The following TP63 variants were observed in gnomAD, a reference collection of about 807,000 sequenced individuals.
The protein encoded by TP63 is tumor protein 63.
A neutral mutation model predicts 82.8 loss-of-function variants in TP63; 17 were observed. The observed-to-expected ratio is 0.21, with a 90% CI of 0.14 to 0.31. The LOEUF (loss-of-function observed/expected upper bound fraction) is 0.31, where lower values mean the gene tolerates loss of function less well. Ranked by LOEUF, TP63 falls within the 10% of genes least tolerant of loss-of-function variation. The probability of loss-of-function intolerance (pLI) is 1.00; values close to 1 mark genes in which losing one functional copy is unlikely to be tolerated. For missense variants in TP63, 648 were observed against 895.3 expected (o/e 0.72, Z 3.52); for synonymous variants, 330 against 321.7 (o/e 1.03, Z -0.28).
At chr3:189,863,874 A>C (rs1717359377) in intron 4 of TP63, among the ~76,000 whole-genome samples, 1 of 151,974 alleles carries the variant, frequency 6.6e-6, no homozygotes, top group African/African-American at 2.4e-5. Flanking sequence ...ACATGCCAAT[A>C]CTCTTCTTTC....
chr3:189,597,823 C>T, the TP63 span, among the ~76,000 whole-genome samples: 2 of 151,638 alleles, frequency 1.3e-5, no homozygotes, highest in African/African-American at 4.8e-5. Context: ...AGCTACTCTG[C>T]AGGCTGAGTT....
chr3:189,807,197 A>G (rs1326132545), intron 3 of TP63, among the ~76,000 whole-genome samples: 2 of 152,242 alleles, frequency 1.3e-5, no homozygotes, highest in South Asian at 2.1e-4. Flanking sequence ...GCTCAGGTTT[A>G]GAAATGATGA....
At chr3:189,782,707 T>C (rs1724318017) in intron 3 of TP63, among the ~76,000 whole-genome samples, 1 of 152,284 alleles carries the variant, frequency 6.6e-6, no homozygotes, top group South Asian at 2.1e-4. Context: ...AACACATCAC[T>C]ATTCAAACAC....
At chr3:189,627,560 T>A (rs1029184334), upstream of TP63, among the ~76,000 whole-genome samples, 4 of 152,170 alleles carry the variant, frequency 2.6e-5, no homozygotes, top group Admixed American at 6.6e-5. Context: ...AGAATAAAAA[T>A]TTAGCTCTTC....
chr3:189,734,323 C>T lies in TP63; in HGVS notation c.63-3417C>T, dbSNP rs918544475. Among the ~76,000 whole-genome samples, 8 of 151,936 alleles carry T rather than the reference C, an allele frequency of 5.3e-5. No individual in the cohort carries two copies. The East Asian group carries it at 5.8e-4, about 11-fold the overall frequency. The stretch of plus-strand genomic sequence containing the variant: ...AATAGCTGGGATTACAGGCACCGGC[C>T]GCCAAGCCCAGCTAATTTTTGTATT... On this transcript the variant is annotated intron_variant, in intron 1 of 13. Transcript: ENST00000264731.
the TP63 span, among the ~76,000 whole-genome samples, chr3:189,617,588 G>C: frequency 3.3e-5 from 5 of 152,142 alleles, no homozygotes; most frequent in South Asian, 8.3e-4. Flanking sequence ...TCAATAAAGA[G>C]AGATATAATA....
chr3:189,662,920 C>T (rs545048547), intron 1 of TP63, among the ~76,000 whole-genome samples: 1 of 152,050 alleles, frequency 6.6e-6, no homozygotes, highest in East Asian at 1.9e-4. Flanking sequence ...TTAAGAGAGT[C>T]TTTCTGGGAC....
chr3:189,846,961 A>G (rs971146316), intron 4 of TP63, among the ~76,000 whole-genome samples: 5 of 151,942 alleles, frequency 3.3e-5, no homozygotes, highest in African/African-American at 4.8e-5. Flanking sequence ...GATTACAGGC[A>G]TGAGCCACCA....
In TP63 at chr3:189,894,856, A is replaced by ATATATAAAT; in HGVS notation, c.*354_*355insTATATAAAT. The ATATATAAAT allele has an allele frequency of 4.1e-6, 1 of 241,998 alleles. No individual in the cohort carries two copies. The highest frequency in any genetic ancestry group is 6.2e-5 in the East Asian group (1 of 16,078). The allele number at this position is 241,998 out of a possible 1,614,324, so 15.0% of individuals were successfully genotyped here. A position where few individuals can be genotyped will look rare whatever the true frequency, so the allele number is the denominator to read the frequency against. Reference sequence around the variant, plus strand: ...TATATATATAAATGTATAAATATACAGTATAGATTTTTGGGTGGGGGGCAT... The same window carrying ATATATAAAT: ...TATATATATAAATGTATAAATATACATATATAAATGTATAGATTTTTGGGTGGGGGGCAT... On this transcript the variant is annotated 3_prime_UTR_variant, in exon 14 of 14. Transcript: ENST00000264731.
chr3:189,845,563 A>G (rs1003339995), intron 4 of TP63, among the ~76,000 whole-genome samples: 1 of 152,012 alleles, frequency 6.6e-6, no homozygotes, highest in African/African-American at 2.4e-5. Flanking sequence ...ACTAAATTCA[A>G]ATTCATTCAG....
intron 1 of TP63, among the ~76,000 whole-genome samples, chr3:189,684,716 C>T (rs1172997451): frequency 2.0e-5 from 3 of 151,118 alleles, no homozygotes; most frequent in African/African-American, 7.3e-5. Flanking sequence ...CTGCAACCTC[C>T]GCCTCCCGAG....
At chr3:189,719,456 T>C (rs559358798) in intron 1 of TP63, among the ~76,000 whole-genome samples, 1 of 152,318 alleles carries the variant, frequency 6.6e-6, no homozygotes, top group South Asian at 2.1e-4. Context: ...CAGATTTCTT[T>C]TGTAAAGTTC....
At position 189,878,516 on chromosome 3, in the gene TP63, G is replaced by A. The variant is rs151049723; in HGVS notation, c.1349+5521G>A. On this transcript the variant is annotated intron_variant, in intron 10 of 13. Coordinates refer to ENST00000264731, the MANE Select transcript of TP63 (RefSeq NM_003722.5). ...CAACTCTCCTGCCTCAGCCTCCTGC[G>A]TAGCTGGGATTACAGATGCCTGCCA... Among the ~76,000 whole-genome samples, 733 of 148,922 alleles carry A rather than the reference G, an allele frequency of 4.9e-3. 5 individuals are homozygous for A. The highest frequency in any genetic ancestry group is 0.016 in the African/African-American group (653 of 40,630).
intron 4 of TP63, among the ~76,000 whole-genome samples, chr3:189,861,584 C>T (rs1393207089): frequency 2.0e-5 from 3 of 152,172 alleles, no homozygotes; most frequent in South Asian, 4.1e-4. Context: ...TTCCACCTAG[C>T]CCAAAGTTTT....
chr3:189,740,127 C>T (rs2108505486), intron 3 of TP63, among the ~76,000 whole-genome samples: 1 of 152,282 alleles, frequency 6.6e-6, no homozygotes, highest in Non-Finnish European at 1.5e-5. Context: ...GAAAAATACA[C>T]TTTTTCATTG....
intron 5 of TP63, 113 bp downstream of exon 5, chr3:189,864,531 ATC>A: frequency 5.2e-6 from 3 of 575,056 alleles, no homozygotes; most frequent in Non-Finnish European, 8.2e-6. Flanking sequence ...CCGATGGCAG[ATC>A]AGTCTGCCTT....
intron 4 of TP63, among the ~76,000 whole-genome samples, chr3:189,816,454 G>T (rs541376956): frequency 6.6e-6 from 1 of 152,044 alleles, no homozygotes; most frequent in African/African-American, 2.4e-5. Context: ...GTTCCTACCC[G>T]CTTTGGTAAA....
chr3:189,709,990 G>A (rs914711953), intron 1 of TP63, among the ~76,000 whole-genome samples: 53 of 152,110 alleles, frequency 3.5e-4, no homozygotes, highest in African/African-American at 1.2e-3. Flanking sequence ...TAAAGACACT[G>A]TAACCATATC....
chr3:189,663,112 C>T (rs530365465), intron 1 of TP63, among the ~76,000 whole-genome samples: 45 of 152,132 alleles, frequency 3.0e-4, no homozygotes, highest in African/African-American at 1.0e-3. Flanking sequence ...TAAGATCCTC[C>T]GGTCTTACTG....
Sources: allele counts gnomAD v4.1 joint callset (sites outside exome capture counted in the v4.1 genomes callset), GRCh38; gene constraint gnomAD v4.1.1; transcripts MANE v1.5; gene names NCBI Gene and HGNC (gene_info 2026-07-23, HGNC 2026-07-21).